Variants in AMBRA1 observed in about 807,000 individuals in gnomAD.
AMBRA1 encodes the protein activating molecule in BECN1-regulated autophagy protein 1.
In AMBRA1, 47 loss-of-function variants were observed where a neutral mutation model predicts 125.4. The ratio of observed to expected loss-of-function variants is 0.37; its 90% CI spans 0.30 to 0.48. AMBRA1 has a LOEUF of 0.48. AMBRA1 is among the 20% of genes least tolerant of loss of function. The probability of loss-of-function intolerance (pLI) is 0.99; values close to 1 mark genes in which losing one functional copy is unlikely to be tolerated. For synonymous variants in AMBRA1, 626 were observed against 655.5 expected, an observed-to-expected ratio of 0.95 and a Z score of 0.69; for missense variants, 1,331 against 1,693.4, an observed-to-expected ratio of 0.79 and a Z score of 3.76.
intron 1 of AMBRA1, among the ~76,000 whole-genome samples, chr11:46,564,144 CA>C (rs563596004): frequency 0.011 from 422 of 38,120 alleles, no homozygotes; most frequent in South Asian, 0.02. Context: ...AACTCCGTCT[CA>C]AAAAAAAAAA....
intron 11 of AMBRA1, among the ~76,000 whole-genome samples, chr11:46,493,329 A>G (rs1028422861): frequency 2.6e-5 from 4 of 152,224 alleles, no homozygotes; most frequent in Non-Finnish European, 4.4e-5. Flanking sequence ...GCATAGCTAG[A>G]ATTTAATTGC....
chr11:46,442,969 G>A (rs560661207), intron 12 of AMBRA1, among the ~76,000 whole-genome samples: 2 of 152,262 alleles, frequency 1.3e-5, no homozygotes, highest in African/African-American at 4.8e-5. Flanking sequence ...TGATCCGCCT[G>A]CCTTGGCCTC....
At chr11:46,399,835 G>T (rs1268907691) in intron 17 of AMBRA1, among the ~76,000 whole-genome samples, 1 of 152,290 alleles carries the variant, frequency 6.6e-6, no homozygotes, top group East Asian at 1.9e-4. Context: ...CCAGGTCTAG[G>T]GAGGGAGAGA....
At chr11:46,570,265 A>AG (rs1351954391) in intron 1 of AMBRA1, among the ~76,000 whole-genome samples, 4 of 147,998 alleles carry the variant, frequency 2.7e-5, no homozygotes, top group Non-Finnish European at 6.0e-5. Flanking sequence ...ATGTCTCAAA[A>AG]AAAAAAAAAA....
intron 12 of AMBRA1, among the ~76,000 whole-genome samples, chr11:46,440,762 G>A (rs1590813474): frequency 6.6e-6 from 1 of 152,168 alleles, no homozygotes; most frequent in South Asian, 2.1e-4. Flanking sequence ...GGTTGCTGCT[G>A]AAGTTTCATT....
In AMBRA1 at chr11:46,397,601, G is replaced by A. The variant is rs1270110447; in HGVS notation, c.3746C>T (p.Pro1249Leu). Residue 1249 changes from proline (P) to leucine (L), a missense_variant, in exon 18 of 18, where the codon CCC becomes CTC. This residue lies in a region of AMBRA1 where 144 missense variants were observed against 133.9 expected (regional missense o/e 1.08). Coordinates refer to ENST00000683756, the MANE Select transcript of AMBRA1 (RefSeq NM_001387011.1). ...AGGAATGGGGACAGGGGAGGAAGAG[G>A]GCAGGGTTGGCTGGGTTGGCTCCCG... ...PGREPTQPTL[P>L]SSSPVPIPVS... 2.5e-6 allele frequency: 4 copies of A among 1,607,758 alleles called. No homozygotes were observed. Among genetic ancestry groups the A allele is most frequent in the South Asian group, 1.1e-5 (1 of 90,160 alleles).
chr11:46,494,207 G>GA lies in AMBRA1; in HGVS notation c.2340-4dup, dbSNP rs760072932. The GA allele has an allele frequency of 5.0e-6, 8 of 1,595,584 alleles. No individual in the cohort carries two copies. The African/African-American group carries it at 8.0e-5, about 16-fold the overall frequency. On this transcript the variant is annotated splice_polypyrimidine_tract_variant and splice_region_variant and intron_variant, in intron 9 of 17. Coordinates refer to ENST00000683756, the MANE Select transcript of AMBRA1 (RefSeq NM_001387011.1). ...GCCTGGATCTGTCACCATTGTCCCT[G>GA]AAAAAAATAAAAACACTACACATAA...
intron 17 of AMBRA1, among the ~76,000 whole-genome samples, chr11:46,404,370 TCTGGGCTCAAAGAGAGCCCTGATCC>T (rs774260397): frequency 2.0e-5 from 3 of 152,114 alleles, no homozygotes; most frequent in Non-Finnish European, 2.9e-5. Context: ...CATGGGGAAA[TCTGGGCTCAAAGAGAGCCCTGATCC>T]CTGGGCTCCC....
At chr11:46,489,986 A>G (rs1950405432) in intron 11 of AMBRA1, among the ~76,000 whole-genome samples, 1 of 152,162 alleles carries the variant, frequency 6.6e-6, no homozygotes, top group Non-Finnish European at 1.5e-5. Flanking sequence ...TCTGAGCCTC[A>G]GTTTTCTTCC....
At chr11:46,561,819 G>A (rs986091779) in intron 1 of AMBRA1, among the ~76,000 whole-genome samples, 4 of 152,138 alleles carry the variant, frequency 2.6e-5, no homozygotes, top group African/African-American at 9.7e-5. Context: ...ATCAAAAGAA[G>A]GCATTAGATT....
intron 12 of AMBRA1, among the ~76,000 whole-genome samples, chr11:46,439,663 T>A (rs1220285485): frequency 6.6e-6 from 1 of 152,210 alleles, no homozygotes; most frequent in Non-Finnish European, 1.5e-5. Flanking sequence ...TAAAATAAGT[T>A]CTATGACAAA....
At chr11:46,502,500 C>T (rs1355408683) in intron 9 of AMBRA1, among the ~76,000 whole-genome samples, 1 of 152,032 alleles carries the variant, frequency 6.6e-6, no homozygotes, top group Non-Finnish European at 1.5e-5. Context: ...CAAAAGTTAC[C>T]CCCTCTTCCT....
At chr11:46,410,424 G>A (rs1023823738) in intron 15 of AMBRA1, 56 bp from the exon 16 acceptor site, 5 of 1,465,504 alleles carry the variant, frequency 3.4e-6, no homozygotes, top group African/African-American at 2.8e-5. Flanking sequence ...GAGAGGGAAG[G>A]ATAAGAGCTC....
chr11:46,501,551 G>A (rs1459253395), intron 9 of AMBRA1, among the ~76,000 whole-genome samples: 1 of 152,202 alleles, frequency 6.6e-6, no homozygotes, highest in Non-Finnish European at 1.5e-5. Context: ...CAACAATAAT[G>A]ATGCAGTACT....
intron 1 of AMBRA1, among the ~76,000 whole-genome samples, chr11:46,580,354 T>C (rs1258174606): frequency 6.6e-6 from 1 of 152,202 alleles, no homozygotes; most frequent in East Asian, 1.9e-4. Flanking sequence ...CAGATTTCTC[T>C]CCAGCGCTAC....
chr11:46,462,622 C>A (rs1464069220), intron 11 of AMBRA1, among the ~76,000 whole-genome samples: 1 of 152,066 alleles, frequency 6.6e-6, no homozygotes, highest in African/African-American at 2.4e-5. Flanking sequence ...TTAAACACAT[C>A]CCTACATTTA....
chr11:46,444,339 T>C (rs368728859), intron 11 of AMBRA1, among the ~76,000 whole-genome samples: 16 of 152,340 alleles, frequency 1.1e-4, no homozygotes, highest in Admixed American at 2.6e-4. Flanking sequence ...CTCTGAGATA[T>C]ATTCTTCTGT....
At chr11:46,564,218 T>TAA (rs781562495) in intron 1 of AMBRA1, among the ~76,000 whole-genome samples, 1 of 131,182 alleles carries the variant, frequency 7.6e-6, no homozygotes, top group Non-Finnish European at 1.6e-5. Context: ...ATCCCAGTAT[T>TAA]AAAAAAAAAA....
At chr11:46,535,303 G>A (rs541589696) in intron 7 of AMBRA1, among the ~76,000 whole-genome samples, 11 of 151,966 alleles carry the variant, frequency 7.2e-5, no homozygotes, top group East Asian at 1.9e-4. Context: ...TTCACACTCC[G>A]CATAATTAGA....
Sources: gnomAD v4.1 joint callset for allele counts (sites outside exome capture counted in the v4.1 genomes callset) on GRCh38, gnomAD v4.1.1 for gene constraint, gnomAD v4.1.1 regional missense constraint, MANE v1.5 for transcripts, NCBI Gene and HGNC (gene_info 2026-07-23, HGNC 2026-07-21) for gene names.